Variants in MTM1 observed in about 807,000 individuals in gnomAD.
MTM1 encodes the protein myotubularin 1.
MTM1 carries 9 observed loss-of-function variants against 52.1 expected under a neutral mutation model. That is an observed-to-expected ratio of 0.17 (90% CI 0.10 to 0.30). The LOEUF (loss-of-function observed/expected upper bound fraction) is 0.30. Ranked by LOEUF, MTM1 falls within the 10% of genes least tolerant of loss-of-function variation. MTM1 has a pLI of 1.00. For synonymous variants in MTM1, 136 were observed against 163.8 expected (o/e 0.83, Z 1.29); for missense variants, 277 against 470.7 (o/e 0.59, Z 3.81).
chrX:150,583,272 A>G (rs1243393430), intron 1 of MTM1, among the ~76,000 whole-genome samples: 7 of 62,991 alleles, frequency 1.1e-4, no homozygotes, highest in African/African-American at 4.7e-4. Flanking sequence ...TAAATTATAT[A>G]TAAATTATAA....
At chrX:150,606,657 T>A (rs782199628) in intron 4 of MTM1, among the ~76,000 whole-genome samples, 17 of 111,519 alleles carry the variant, frequency 1.5e-4, no homozygotes, top group Non-Finnish European at 3.2e-4. Context: ...GACATCTTAT[T>A]TTCCAAAGTG....
intron 4 of MTM1, among the ~76,000 whole-genome samples, chrX:150,614,210 C>T (rs1335135368): frequency 8.9e-6 from 1 of 112,173 alleles, no homozygotes; most frequent in Non-Finnish European, 1.9e-5. Context: ...CTGAGCAAAG[C>T]AGGTGGCTTG....
chrX:150,621,445 A>T (rs1044551694), intron 6 of MTM1, among the ~76,000 whole-genome samples: 1 of 110,894 alleles, frequency 9.0e-6, no homozygotes, highest in African/African-American at 3.3e-5. Flanking sequence ...ATCCTACACA[A>T]TGCTGCCAGT....
rs1603118944 is a variant in MTM1, at chrX:150,592,578, G to A, written c.-10-27G>A. ...TTTGAAATTGCATACAAATTCAGTT[G>A]ATATTGAATGTTGTGTTTCTTGGTA... On this transcript the variant is annotated intron_variant, in intron 1 of 14. Coordinates refer to ENST00000370396, the MANE Select transcript of MTM1 (RefSeq NM_000252.3). 3.6e-6 allele frequency: 4 copies of A among 1,100,973 alleles called. No individual in the cohort carries two copies. In the East Asian group the frequency reaches 1.2e-4, roughly 33 times the overall value. 90.7% of individuals were successfully genotyped at this position (1,100,973 alleles called of 1,213,427 possible).
At chrX:150,624,449 T>C (rs2039533016) in intron 6 of MTM1, among the ~76,000 whole-genome samples, 1 of 111,715 alleles carries the variant, frequency 9.0e-6, no homozygotes, top group Admixed American at 9.5e-5. Context: ...AGCCTGATAG[T>C]GCTACAGAAA....
intron 4 of MTM1, among the ~76,000 whole-genome samples, chrX:150,611,136 C>T (rs1037796759): frequency 1.8e-5 from 2 of 111,810 alleles, no homozygotes; most frequent in African/African-American, 3.3e-5. Flanking sequence ...TGTCTTACCC[C>T]GTGACATTCC....
chrX:150,668,320 C>T (rs1237542363), intron 14 of MTM1, among the ~76,000 whole-genome samples: 2 of 112,046 alleles, frequency 1.8e-5, no homozygotes, highest in African/African-American at 3.2e-5. Flanking sequence ...CCTCATGGCT[C>T]ATGCTCCCTT....
chrX:150,638,901 G>A (rs1557413779), intron 6 of MTM1, 42 bp from the exon 7 acceptor site: 1 of 965,418 alleles, frequency 1.0e-6, no homozygotes, highest in South Asian at 1.9e-5. Flanking sequence ...ATAGTAGACT[G>A]TTCCTTCACG....
intron 1 of MTM1, among the ~76,000 whole-genome samples, chrX:150,574,311 G>A (rs2038431655): frequency 9.0e-6 from 1 of 111,081 alleles, no homozygotes; most frequent in African/African-American, 3.3e-5. Context: ...CTTGCTCCCC[G>A]GGAGCTGGTG....
At chrX:150,586,230 A>C (rs1557412250) in intron 1 of MTM1, among the ~76,000 whole-genome samples, 1 of 112,234 alleles carries the variant, frequency 8.9e-6, no homozygotes, top group Non-Finnish European at 1.9e-5. Flanking sequence ...TGAAGTGACC[A>C]AGACAAATCA....
chrX:150,587,839 T>C (rs1344299973), intron 1 of MTM1, among the ~76,000 whole-genome samples: 3 of 112,007 alleles, frequency 2.7e-5, no homozygotes, highest in Non-Finnish European at 3.8e-5. Flanking sequence ...GTTTTGGTTA[T>C]GGTGTAATTC....
chrX:150,656,562 A>G (rs782517612), intron 10 of MTM1, among the ~76,000 whole-genome samples: 61 of 112,115 alleles, frequency 5.4e-4, no homozygotes, highest in African/African-American at 1.9e-3. Flanking sequence ...CACTATCGCA[A>G]TCACATCCAT....
chrX:150,628,464 T>C (rs1482719634), intron 6 of MTM1, among the ~76,000 whole-genome samples: 1 of 111,444 alleles, frequency 9.0e-6, no homozygotes, highest in Admixed American at 9.5e-5. Context: ...CTGTCCTTGC[T>C]CTGAATTATG....
chrX:150,620,811 C>A (rs1557413272), intron 6 of MTM1, among the ~76,000 whole-genome samples: 1 of 111,383 alleles, frequency 9.0e-6, no homozygotes, highest in Non-Finnish European at 1.9e-5. Flanking sequence ...ATTCCTTCCT[C>A]TGGGAGTCTG....
upstream of MTM1, among the ~76,000 whole-genome samples, chrX:150,565,162 T>C (rs1446740150): frequency 8.9e-6 from 1 of 112,075 alleles, no homozygotes; most frequent in East Asian, 2.8e-4. Context: ...CCGTGGCAAC[T>C]TGGGAATTCT....
At chrX:150,660,514 A>T (rs2040202598) in intron 13 of MTM1, 30 bp downstream of exon 13, 1 of 947,843 alleles carries the variant, frequency 1.1e-6, no homozygotes, top group African/African-American at 1.9e-5. Context: ...TTTTTGATAC[A>T]TTAGGCTTGC....
intron 11 of MTM1, among the ~76,000 whole-genome samples, chrX:150,658,564 C>T (rs1016431103): frequency 9.1e-6 from 1 of 110,023 alleles, no homozygotes; most frequent in East Asian, 2.8e-4. Context: ...ATATAAATTT[C>T]TCTCTCAATT....
chrX:150,607,252 T>TGCTG (rs782380980), intron 4 of MTM1, among the ~76,000 whole-genome samples: 1 of 110,962 alleles, frequency 9.0e-6, no homozygotes, highest in East Asian at 2.9e-4. Flanking sequence ...CCTCCCAAAG[T>TGCTG]GCTGGGATTA....
At chrX:150,603,020 C>T (rs1465002611) in intron 4 of MTM1, among the ~76,000 whole-genome samples, 1 of 111,815 alleles carries the variant, frequency 8.9e-6, no homozygotes, top group Non-Finnish European at 1.9e-5. Context: ...AGGGAAAAGA[C>T]GATTATGCCA....
Sources: gnomAD v4.1 joint callset for allele counts (sites outside exome capture counted in the v4.1 genomes callset) on GRCh38, gnomAD v4.1.1 for gene constraint, MANE v1.5 for transcripts, NCBI Gene and HGNC (gene_info 2026-07-23, HGNC 2026-07-21) for gene names.